EXOC6B: variants seen among roughly 807,000 people sequenced by gnomAD.
The protein encoded by EXOC6B is SEC15 homolog B.
In EXOC6B, 54 loss-of-function variants were observed where a neutral mutation model predicts 113.5. The observed-to-expected ratio is 0.48, with a 90% CI of 0.38 to 0.60. EXOC6B has a LOEUF of 0.60. Ranked by LOEUF, EXOC6B falls within the 20% of genes least tolerant of loss-of-function variation. The probability of loss-of-function intolerance (pLI) is 0.00; values close to 1 mark genes in which losing one functional copy is unlikely to be tolerated. For synonymous variants in EXOC6B, 357 were observed against 339.0 expected, an observed-to-expected ratio of 1.05 and a Z score of -0.58; for missense variants, 797 against 977.5, an observed-to-expected ratio of 0.82 and a Z score of 2.46.
chr2:72,260,937 T>C (rs11888711), intron 20 of EXOC6B, among the ~76,000 whole-genome samples: 245 of 152,356 alleles, frequency 1.6e-3, no homozygotes, highest in African/African-American at 5.4e-3. Flanking sequence ...TTACTCTGCA[T>C]GTGTCTGTTG....
chr2:72,499,960 C>A lies in EXOC6B; in HGVS notation c.1180G>T (p.Asp394Tyr). ...TTCAAATCTAACACAAGGTTTGGAT[C>A]AGAACAGTAAGACTAAAGTAAATAA... ...ALRTHSSYCS[D>Y]PNLVLDLKNL... Residue 394 changes from aspartate (D) to tyrosine (Y), a missense_variant, in exon 12 of 22, where the codon GAT becomes TAT. Transcript: ENST00000272427. The A allele has an allele frequency of 6.5e-7, 1 of 1,550,012 alleles. No individual in the cohort carries two copies. Among genetic ancestry groups the A allele is most frequent in the South Asian group, 1.2e-5 (1 of 83,992 alleles).
At chr2:72,369,337 A>G (rs1690853500) in intron 19 of EXOC6B, among the ~76,000 whole-genome samples, 1 of 152,194 alleles carries the variant, frequency 6.6e-6, no homozygotes, top group African/African-American at 2.4e-5. Context: ...GAGAACTACA[A>G]ACCACTGCTC....
intron 18 of EXOC6B, among the ~76,000 whole-genome samples, chr2:72,425,411 G>C (rs978932115): frequency 1.3e-5 from 2 of 152,130 alleles, no homozygotes; most frequent in East Asian, 3.8e-4. Flanking sequence ...TGTTATTACT[G>C]ATTGGAAGAC....
rs2105445282 is a variant in EXOC6B, at chr2:72,470,949, C to T, written c.1801-5610G>A. On this transcript the variant is annotated intron_variant, in intron 17 of 21. Transcript: ENST00000272427. ...CATACATGGGCGTGTATCTTTATAGCAGCATGATTTGTAATCCTTTGGGTA... is the reference window on the plus strand; with the variant it reads ...CATACATGGGCGTGTATCTTTATAGTAGCATGATTTGTAATCCTTTGGGTA... Among the ~76,000 whole-genome samples the T allele has an allele frequency of 2.6e-5, 4 of 152,252 alleles. No homozygotes were observed. In the Middle Eastern group the frequency reaches 0.01, roughly 388 times the overall value.
chr2:72,372,421 C>T (rs1235400063), intron 19 of EXOC6B, among the ~76,000 whole-genome samples: 2 of 152,186 alleles, frequency 1.3e-5, no homozygotes, highest in Non-Finnish European at 2.9e-5. Flanking sequence ...TCAAATCATA[C>T]TACAGAGCTA....
intron 6 of EXOC6B, among the ~76,000 whole-genome samples, chr2:72,678,938 C>T (rs1676499098): frequency 6.6e-6 from 1 of 152,188 alleles, no homozygotes; most frequent in Admixed American, 6.5e-5. Context: ...TACAATCTCT[C>T]TCCTCTAAAG....
intron 16 of EXOC6B, among the ~76,000 whole-genome samples, chr2:72,488,080 T>C (rs542609776): frequency 1.3e-5 from 2 of 152,326 alleles, no homozygotes; most frequent in South Asian, 2.1e-4. Flanking sequence ...TTAAAAGCGC[T>C]CTTACCAAGG....
At chr2:72,192,174 C>T (rs41401) in intron 20 of EXOC6B, among the ~76,000 whole-genome samples, 56,556 of 151,942 alleles carry the variant, frequency 0.37, 11,672 homozygotes, top group African/African-American at 0.53. Flanking sequence ...GGGATTATGT[C>T]TTTTCCTTCT....
chr2:72,693,975 G>C (rs2104600871), intron 6 of EXOC6B, among the ~76,000 whole-genome samples: 1 of 152,172 alleles, frequency 6.6e-6, no homozygotes, highest in African/African-American at 2.4e-5. Context: ...CATAAAAGCA[G>C]GGTGAGGAAA....
At chr2:72,798,437 A>G (rs1311537519) in intron 1 of EXOC6B, among the ~76,000 whole-genome samples, 1 of 152,160 alleles carries the variant, frequency 6.6e-6, no homozygotes, top group Non-Finnish European at 1.5e-5. Flanking sequence ...ACTGGCCTAA[A>G]ATAGCACCAT....
intron 16 of EXOC6B, among the ~76,000 whole-genome samples, chr2:72,484,324 CGAGACGGGCG>C (rs1699291481): frequency 6.7e-6 from 1 of 150,356 alleles, no homozygotes; most frequent in Non-Finnish European, 1.5e-5. Flanking sequence ...TTTGGGAGGC[CGAGACGGGCG>C]GATCACGAGG....
Position 72,825,754 on chromosome 2 carries a change from T to TA in EXOC6B, c.113+43_113+44insT. The TA allele has an allele frequency of 6.3e-7, 1 of 1,587,940 alleles. No homozygotes were observed. The highest frequency in any genetic ancestry group is 8.6e-7 in the Non-Finnish European group (1 of 1,169,510). On this transcript the variant is annotated intron_variant, in intron 1 of 21. Coordinates refer to ENST00000272427, the MANE Select transcript of EXOC6B (RefSeq NM_015189.3). The surrounding 1 kb of genome is among the most constrained non-coding windows in gnomAD (Gnocchi z 4.4). Reference sequence around the variant, plus strand: ...GCCCGACCCAGAGGAGCCTGCCCCGTCCCGCCCGTTCCCGCCCCTCTGTGG... The same window carrying TA: ...GCCCGACCCAGAGGAGCCTGCCCCGTACCCGCCCGTTCCCGCCCCTCTGTGG...
intron 6 of EXOC6B, among the ~76,000 whole-genome samples, chr2:72,577,670 T>C (rs1451139404): frequency 6.6e-6 from 1 of 151,400 alleles, no homozygotes; most frequent in Non-Finnish European, 1.5e-5. Context: ...AATATATAAA[T>C]ACATATAATA....
chr2:72,714,124 T>C (rs1679451819), intron 6 of EXOC6B, among the ~76,000 whole-genome samples: 1 of 152,196 alleles, frequency 6.6e-6, no homozygotes, highest in Admixed American at 6.5e-5. Context: ...GGTATTTACA[T>C]AAGCAAAACA....
In EXOC6B at chr2:72,246,507, ATT is replaced by A. The variant is rs11386307; in HGVS notation, c.2197-62322_2197-62321del. 4.3e-4 allele frequency among the ~76,000 whole-genome samples: 59 copies of A among 136,960 alleles called. No homozygotes were observed. In the East Asian group the frequency reaches 5.7e-3, roughly 13 times the overall value. 89.9% of individuals were successfully genotyped at this position (136,960 alleles called of 152,430 possible). ...CTCTCTGGAATAGGTTAACTAATTG[ATT>A]TTTTTTTTTTTTTTTTGAGACTGGG... On this transcript the variant is annotated intron_variant, in intron 20 of 21. Coordinates refer to ENST00000272427, the MANE Select transcript of EXOC6B (RefSeq NM_015189.3).
At chr2:72,372,661 T>C (rs1691105391) in intron 19 of EXOC6B, among the ~76,000 whole-genome samples, 1 of 152,006 alleles carries the variant, frequency 6.6e-6, no homozygotes, top group South Asian at 2.1e-4. Flanking sequence ...CTGGCTAACA[T>C]GGTGAAACGC....
intron 18 of EXOC6B, among the ~76,000 whole-genome samples, chr2:72,416,727 G>T (rs1694550049): frequency 6.6e-6 from 1 of 152,082 alleles, no homozygotes; most frequent in South Asian, 2.1e-4. Context: ...ATAAATAAGG[G>T]ATTATAGAAT....
intron 20 of EXOC6B, among the ~76,000 whole-genome samples, chr2:72,196,109 G>C (rs773374617): frequency 7.9e-5 from 12 of 152,142 alleles, no homozygotes; most frequent in Non-Finnish European, 1.5e-4. Flanking sequence ...TTTACCAACA[G>C]TGAATTTCAA....
Position 72,201,626 on chromosome 2 carries a change from A to G in EXOC6B, c.2197-17439T>C, listed in dbSNP as rs141085606. On this transcript the variant is annotated intron_variant, in intron 20 of 21. Transcript: ENST00000272427. Reference sequence around the variant, plus strand: ...AAAGCACAGTAAAGCTGACATCACTATGCCTACCCTGACCAGAATTAAGAT... The same window carrying G: ...AAAGCACAGTAAAGCTGACATCACTGTGCCTACCCTGACCAGAATTAAGAT... 1.3e-3 allele frequency among the ~76,000 whole-genome samples: 198 copies of G among 152,328 alleles called. 1 individual carries two copies. The highest frequency in any genetic ancestry group is 6.8e-3 in the Admixed American group (104 of 15,304).
Sources: allele counts gnomAD v4.1 joint callset (sites outside exome capture counted in the v4.1 genomes callset), GRCh38; gene constraint gnomAD v4.1.1; non-coding constraint Gnocchi (gnomAD v3.1); transcripts MANE v1.5; gene names NCBI Gene and HGNC (gene_info 2026-07-23, HGNC 2026-07-21).